The following KATNIP variants were observed in gnomAD, a reference collection of about 807,000 sequenced individuals.
KATNIP encodes katanin interacting protein.
In KATNIP, 126 loss-of-function variants were observed where a neutral mutation model predicts 174.0. The ratio of observed to expected loss-of-function variants is 0.72; its 90% confidence interval spans 0.63 to 0.84. The LOEUF is 0.84. Ranked by LOEUF, KATNIP falls within the 40% of genes least tolerant of loss-of-function variation. KATNIP has a pLI of 0.00. For missense variants in KATNIP, 1,958 were observed against 2,109.7 expected (o/e 0.93, Z 1.41); for synonymous variants, 810 against 835.7 (o/e 0.97, Z 0.53).
At chr16:27,670,900 G>C (rs955369841) in intron 6 of KATNIP, among the ~76,000 whole-genome samples, 4 of 152,144 alleles carry the variant, frequency 2.6e-5, no homozygotes, top group African/African-American at 4.8e-5. Context: ...ATTGTTAATA[G>C]TTGGGTGCTG....
intron 8 of KATNIP, among the ~76,000 whole-genome samples, chr16:27,693,263 C>T (rs2078797005): frequency 6.6e-6 from 1 of 152,204 alleles, no homozygotes; most frequent in Non-Finnish European, 1.5e-5. Flanking sequence ...AAAGCAGCCT[C>T]CAGTGGGCGA....
Position 27,614,114 on chromosome 16 carries a change from G to C in KATNIP, c.64-4311G>C, listed in dbSNP as rs573807353. On this transcript the variant is annotated intron_variant, in intron 2 of 27. Coordinates refer to ENST00000261588, the MANE Select transcript of KATNIP (RefSeq NM_015202.5). Reference sequence around the variant, plus strand: ...TTTTTCCAAGACAGAGTCTTGCTCTGTTTCCCAGGCTGGAGTGCAGTGGTG... The same window carrying C: ...TTTTTCCAAGACAGAGTCTTGCTCTCTTTCCCAGGCTGGAGTGCAGTGGTG... Among the ~76,000 whole-genome samples, 594 of 150,008 alleles carry C rather than the reference G, an allele frequency of 4.0e-3. 2 individuals carry two copies. The highest frequency in any genetic ancestry group is 0.014 in the African/African-American group (569 of 40,526).
At chr16:27,614,755 G>A (rs536138870) in intron 2 of KATNIP, among the ~76,000 whole-genome samples, 1 of 152,326 alleles carries the variant, frequency 6.6e-6, no homozygotes, top group East Asian at 1.9e-4. Context: ...GAACATGAGG[G>A]TACATCATCC....
rs762140185 is a variant in KATNIP, at chr16:27,751,836, A to G, written c.3464A>G (p.Asp1155Gly). ...LDVGSLDSLQDEEAMRRPSTA... is the reference protein window; with the variant it reads ...LDVGSLDSLQGEEAMRRPSTA... ...GTGGGGAGCCTGGACAGCCTGCAGG[A>G]TGAAGAGGCAATGAGGAGGCCCAGC... The change falls in exon 17 of 28, where the codon GAT becomes GGT. Residue 1155 changes from aspartate (D) to glycine (G), a missense_variant. Asp to Gly is a moderately conservative substitution (Grantham distance 94, BLOSUM62 -1). Around this residue, in one of 3 missense-constraint regions of KATNIP, gnomAD observed 1,557 missense variants for 1,617.8 expected, o/e 0.96. Transcript: ENST00000261588. The G allele has an allele frequency of 1.2e-6, 2 of 1,614,094 alleles. No individual in the cohort carries two copies. Among genetic ancestry groups the G allele is most frequent in the Non-Finnish European group, 1.7e-6 (2 of 1,180,048 alleles).
intron 6 of KATNIP, among the ~76,000 whole-genome samples, chr16:27,669,760 C>T (rs1191185555): frequency 6.6e-6 from 1 of 152,150 alleles, no homozygotes; most frequent in Admixed American, 6.5e-5. Context: ...GCATTTGTTT[C>T]CTTTGCGAAG....
intron 14 of KATNIP, among the ~76,000 whole-genome samples, chr16:27,737,984 A>G (rs113052754): frequency 2.9e-4 from 44 of 152,184 alleles, no homozygotes; most frequent in African/African-American, 5.5e-4. Flanking sequence ...GGGAGGAGGA[A>G]CAAGGGGTAG....
At chr16:27,636,335 TGAG>T (rs2076635310) in intron 5 of KATNIP, among the ~76,000 whole-genome samples, 1 of 152,290 alleles carries the variant, frequency 6.6e-6, no homozygotes. Context: ...GCTTCAGTGG[TGAG>T]GCTGAGTGGT....
At position 27,740,877 on chromosome 16, in the gene KATNIP, T is replaced by C; in HGVS notation, c.2580T>C (p.Asp860=). The change falls in exon 15 of 28, where the codon GAT becomes GAC. Residue 860 remains aspartate (D), a synonymous_variant. Transcript: ENST00000261588. ...GTGGGAGGAGGGGCTCAAGGAAGGA[T>C]GCTGGCAGCAGTAGTCATGGGGACG... The part of the protein sequence containing the change: ...PASGRRGSRK[D]AGSSSHGDDQ... 6.2e-7 allele frequency: 1 copy of C among 1,607,332 alleles called. No individual in the cohort carries two copies. The highest frequency in any genetic ancestry group is 8.5e-7 in the Non-Finnish European group (1 of 1,177,112).
Position 27,713,761 on chromosome 16 carries a change from G to GTATATATATACACATACATATTATA in KATNIP, c.1605+4846_1605+4847insATATACACATACATATTATATATAT, listed in dbSNP as rs1214147736. ...ACATACATATTATATATATGTGTGT[G>GTATATATATACACATACATATTATA]TATATGTATATATACACATATTATA... On this transcript the variant is annotated intron_variant, in intron 13 of 27. Coordinates refer to ENST00000261588, the MANE Select transcript of KATNIP (RefSeq NM_015202.5). Among the ~76,000 whole-genome samples the GTATATATATACACATACATATTATA allele has an allele frequency of 2.7e-4, 37 of 135,038 alleles. 3 individuals carry two copies. Among genetic ancestry groups the GTATATATATACACATACATATTATA allele is most frequent in the African/African-American group, 5.4e-4 (20 of 37,172 alleles). 88.6% of individuals were successfully genotyped at this position (135,038 alleles called of 152,430 possible).
In KATNIP at chr16:27,766,276, C is replaced by T. The variant is rs201403977; in HGVS notation, c.3810-33C>T. 2.1e-4 allele frequency: 337 copies of T among 1,608,320 alleles called. 2 individuals are homozygous for T. The African/African-American group carries it at 4.3e-3, about 20-fold the overall frequency. On this transcript the variant is annotated intron_variant, in intron 19 of 27. Coordinates refer to ENST00000261588, the MANE Select transcript of KATNIP (RefSeq NM_015202.5). ...GTGATGCCTCCTGTGCCCACTGAGC[C>T]GCCCCCCTGCCGCTCCGTCCCCATT...
At chr16:27,569,041 A>G (rs1409641937) in intron 1 of KATNIP, among the ~76,000 whole-genome samples, 1 of 152,188 alleles carries the variant, frequency 6.6e-6, no homozygotes. Flanking sequence ...TATATTCTGC[A>G]TATATATTTT....
chr16:27,638,395 G>A (rs1262431937), intron 5 of KATNIP, among the ~76,000 whole-genome samples: 1 of 152,218 alleles, frequency 6.6e-6, no homozygotes, highest in Non-Finnish European at 1.5e-5. Flanking sequence ...GTGGAGTTAA[G>A]TCCAAAGTTT....
intron 1 of KATNIP, among the ~76,000 whole-genome samples, chr16:27,559,708 T>C (rs2089779354): frequency 6.8e-6 from 1 of 146,728 alleles, no homozygotes; most frequent in African/African-American, 2.5e-5. Flanking sequence ...AGTAAGGTCA[T>C]GGTGGCTCAT....
intron 19 of KATNIP, among the ~76,000 whole-genome samples, chr16:27,761,847 C>T (rs1445256458): frequency 6.6e-6 from 1 of 152,188 alleles, no homozygotes; most frequent in Non-Finnish European, 1.5e-5. Flanking sequence ...TGCTTCCAGA[C>T]ACAGCCATGG....
intron 14 of KATNIP, among the ~76,000 whole-genome samples, chr16:27,728,157 T>C (rs1271684518): frequency 1.3e-5 from 2 of 152,264 alleles, no homozygotes; most frequent in Non-Finnish European, 2.9e-5. Context: ...CCGGGAAGTA[T>C]GACGGGCATC....
At chr16:27,624,335 T>C (rs541457365) in intron 3 of KATNIP, among the ~76,000 whole-genome samples, 7 of 152,246 alleles carry the variant, frequency 4.6e-5, no homozygotes, top group Admixed American at 1.3e-4. Flanking sequence ...GACTGCCTCA[T>C]CACACCCTGT....
intron 2 of KATNIP, among the ~76,000 whole-genome samples, chr16:27,610,332 G>T (rs2075854488): frequency 6.6e-6 from 1 of 152,188 alleles, no homozygotes; most frequent in Admixed American, 6.5e-5. Flanking sequence ...GAGCTGACGG[G>T]TTAGATGTGG....
Position 27,777,528 on chromosome 16 carries a change from C to T in KATNIP, c.4552-82C>T. ...CGTCTTCCCGAGGAGAAAGCCTTGGCTCAGAGCAGTAACGCGTTCTGCCCA... is the reference window on the plus strand; with the variant it reads ...CGTCTTCCCGAGGAGAAAGCCTTGGTTCAGAGCAGTAACGCGTTCTGCCCA... On this transcript the variant is annotated intron_variant, in intron 25 of 27. Coordinates refer to ENST00000261588, the MANE Select transcript of KATNIP (RefSeq NM_015202.5). The surrounding 1 kb of genome is among the most constrained non-coding windows in gnomAD (Gnocchi z 4.4). 1 of 1,369,650 alleles carries T rather than the reference C, an allele frequency of 7.3e-7. No individual in the cohort carries two copies. 84.8% of individuals were successfully genotyped at this position (1,369,650 alleles called of 1,614,324 possible). A position where few individuals can be genotyped will look rare whatever the true frequency, so the allele number is the denominator to read the frequency against.
chr16:27,609,266 G>A (rs1199385512), intron 2 of KATNIP, among the ~76,000 whole-genome samples: 4 of 151,038 alleles, frequency 2.6e-5, no homozygotes, highest in Admixed American at 6.6e-5. Context: ...TTAGATGTGT[G>A]TTAGTGCAGG....
Sources: allele counts gnomAD v4.1 joint callset (sites outside exome capture counted in the v4.1 genomes callset), GRCh38; gene constraint gnomAD v4.1.1; regional missense constraint gnomAD v4.1.1; non-coding constraint Gnocchi (gnomAD v3.1); transcripts MANE v1.5; gene names NCBI Gene and HGNC (gene_info 2026-07-23, HGNC 2026-07-21).